NFU1: variants seen among roughly 807,000 people sequenced by gnomAD.
NFU1 encodes the protein NFU1 iron-sulfur cluster scaffold, also known as NFU1 iron-sulfur cluster scaffold homolog, mitochondrial.
NFU1 carries 30 observed loss-of-function variants against 32.2 expected under a neutral mutation model. The observed-to-expected ratio is 0.93, with a 90% confidence interval of 0.70 to 1.26. NFU1 has a LOEUF of 1.26. Among genes scored for constraint, NFU1 ranks in the 50% most tolerant of loss-of-function variants. The pLI, the probability that NFU1 is intolerant of heterozygous loss-of-function variation, is 0.00. For synonymous variants in NFU1, 112 were observed against 104.6 expected, an observed-to-expected ratio of 1.07 and a Z score of -0.43; for missense variants, 306 against 306.6, an observed-to-expected ratio of 1.00 and a Z score of 0.02.
chr2:69,419,478 T>A lies in NFU1; in HGVS notation c.369+60A>T, dbSNP rs1452712019. 3 of 857,806 alleles carry A rather than the reference T, an allele frequency of 3.5e-6. No individual in the cohort carries two copies. In the East Asian group the frequency reaches 7.6e-5, roughly 22 times the overall value. 53.1% of individuals were successfully genotyped at this position (857,806 alleles called of 1,614,324 possible). Reference sequence around the variant, plus strand: ...AATGGAAATGTTGGAGAGAGAGGCATTGGACTCAGAAAAAAATGAAGAGTA... The same window carrying A: ...AATGGAAATGTTGGAGAGAGAGGCAATGGACTCAGAAAAAAATGAAGAGTA... On this transcript the variant is annotated intron_variant, in intron 4 of 7. Transcript: ENST00000410022.
At chr2:69,424,166 G>A (rs59641915) in intron 2 of NFU1, among the ~76,000 whole-genome samples, 5,928 of 70,840 alleles carry the variant, frequency 0.084, 540 homozygotes, top group African/African-American at 0.29. Context: ...GTGAGACTCT[G>A]TCTCAAAAAA....
At chr2:69,413,776 C>T (rs1179568257) in intron 5 of NFU1, among the ~76,000 whole-genome samples, 1 of 144,184 alleles carries the variant, frequency 6.9e-6, no homozygotes, top group South Asian at 2.2e-4. Context: ...AGGCCGGGCA[C>T]GATGGCTCAT....
chr2:69,437,228 G>C, intron 1 of NFU1, 133 bp downstream of exon 1: 1 of 1,473,928 alleles, frequency 6.8e-7, no homozygotes, highest in Non-Finnish European at 9.0e-7. Flanking sequence ...CCCAACTACG[G>C]CGACAGGGCG....
chr2:69,435,775 G>A (rs909429071), intron 1 of NFU1, among the ~76,000 whole-genome samples: 32 of 152,072 alleles, frequency 2.1e-4, no homozygotes, highest in Non-Finnish European at 4.3e-4. Flanking sequence ...AAATAATCTC[G>A]CTTTTCTCAC....
downstream of NFU1, chr2:69,395,997 C>A: frequency 2.3e-6 from 1 of 426,254 alleles, no homozygotes; most frequent in East Asian, 3.8e-5. Context: ...CACACATATG[C>A]AAAGAAAGAG....
At chr2:69,421,012 T>G (rs1050562473) in intron 3 of NFU1, among the ~76,000 whole-genome samples, 1 of 152,148 alleles carries the variant, frequency 6.6e-6, no homozygotes, top group African/African-American at 2.4e-5. Context: ...GAGACCAGCC[T>G]GGGCAACATG....
At chr2:69,437,462 C>G, upstream of NFU1, 1 of 1,601,106 alleles carries the variant, frequency 6.2e-7, no homozygotes, top group Non-Finnish European at 8.5e-7. Flanking sequence ...GACAGAACCA[C>G]GAAAGATCTG....
chr2:69,405,115 C>T (rs1033249029), intron 6 of NFU1, among the ~76,000 whole-genome samples: 2 of 151,954 alleles, frequency 1.3e-5, no homozygotes, highest in Non-Finnish European at 2.9e-5. Context: ...GGTGTGGTGG[C>T]CTGTGCCTGT....
At chr2:69,418,113 T>TA (rs1553400128) in intron 4 of NFU1, among the ~76,000 whole-genome samples, 1 of 151,930 alleles carries the variant, frequency 6.6e-6, no homozygotes, top group Admixed American at 6.6e-5. Flanking sequence ...AACTGAAGAA[T>TA]GGGGGGCTGG....
rs1349891047 is a variant in NFU1, at chr2:69,410,445, C to CG, written c.485-4364dup. ...ACAGTGTAGTGGTTAAGAGCATGAA[C>CG]GCTGGAGGCAGATTGCCCAAAGTTC... On this transcript the variant is annotated intron_variant, in intron 5 of 7. Transcript: ENST00000410022. Among the ~76,000 whole-genome samples, 9 of 152,124 alleles carry CG rather than the reference C, an allele frequency of 5.9e-5. No homozygotes were observed. The East Asian group carries it at 1.7e-3, about 29-fold the overall frequency.
chr2:69,423,504 T>G, intron 3 of NFU1, 78 bp downstream of exon 3: 1 of 1,339,852 alleles, frequency 7.5e-7, no homozygotes, highest in Non-Finnish European at 1.0e-6. Context: ...ATGCAATAGT[T>G]AAACAGAGTT....
chr2:69,437,691 G>C (rs939597584), upstream of NFU1: 1 of 576,690 alleles, frequency 1.7e-6, no homozygotes, highest in East Asian at 3.0e-5. Flanking sequence ...TCCGTACTTT[G>C]TTTTCCCTGT....
Position 69,437,426 on chromosome 2 carries a change from A to G in NFU1, c.-4T>C. The G allele has an allele frequency of 3.7e-6, 6 of 1,610,672 alleles. No individual in the cohort carries two copies. Among genetic ancestry groups the G allele is most frequent in the Non-Finnish European group, 5.1e-6 (6 of 1,179,564 alleles). ...CCCGCCTGGCCGTCGCCGCCATCTT[A>G]GTCCGGAGTGCCTAAGGGTCTCCCT... On this transcript the variant is annotated 5_prime_UTR_variant, in exon 1 of 8. Coordinates refer to ENST00000410022, the MANE Select transcript of NFU1 (RefSeq NM_001002755.4).
intron 5 of NFU1, among the ~76,000 whole-genome samples, chr2:69,414,618 TAAAAA>T (rs57180785): frequency 8.9e-4 from 72 of 81,210 alleles, no homozygotes; most frequent in African/African-American, 3.5e-3. Context: ...AGTCTGTCTC[TAAAAA>T]AAAAAAAAAA....
intron 2 of NFU1, 71 bp from the exon 3 acceptor site, chr2:69,423,788 C>T: frequency 8.9e-7 from 1 of 1,124,254 alleles, no homozygotes; most frequent in Non-Finnish European, 1.3e-6. Context: ...ATGAAGTGCT[C>T]ATTTGCAGAG....
At chr2:69,433,086 G>T (rs1457524344) in intron 1 of NFU1, among the ~76,000 whole-genome samples, 1 of 18,946 alleles carries the variant, frequency 5.3e-5, no homozygotes, top group Non-Finnish European at 9.2e-5. Flanking sequence ...GGAGGCGTAG[G>T]TTGCAGTGAG....
At chr2:69,402,469 C>T (rs2104740220) in intron 6 of NFU1, among the ~76,000 whole-genome samples, 1 of 152,284 alleles carries the variant, frequency 6.6e-6, no homozygotes, top group South Asian at 2.1e-4. Flanking sequence ...GCTGGAATTA[C>T]AGGCACAAGC....
intron 6 of NFU1, 91 bp from the exon 7 acceptor site, chr2:69,400,629 T>A (rs1672493129): frequency 9.2e-7 from 1 of 1,087,306 alleles, no homozygotes. Context: ...AAATTTTATA[T>A]TAGTAAAATT....
rs763330784 is a variant in NFU1, at chr2:69,396,297, C to T, written c.721-7G>A. On this transcript the variant is annotated splice_polypyrimidine_tract_variant and splice_region_variant and intron_variant, in intron 7 of 7. Coordinates refer to ENST00000410022, the MANE Select transcript of NFU1 (RefSeq NM_001002755.4). Reference sequence around the variant, plus strand: ...CTGATTCATCATCCATAACCTAAAACCAAAAAACAAAGACAATTTAAGAAT... The same window carrying T: ...CTGATTCATCATCCATAACCTAAAATCAAAAAACAAAGACAATTTAAGAAT... 6.3e-7 allele frequency: 1 copy of T among 1,586,118 alleles called. No homozygotes were observed. Among genetic ancestry groups the T allele is most frequent in the Admixed American group, 1.8e-5 (1 of 55,342 alleles).
Sources: allele counts gnomAD v4.1 joint callset (sites outside exome capture counted in the v4.1 genomes callset), GRCh38; gene constraint gnomAD v4.1.1; transcripts MANE v1.5; gene names NCBI Gene and HGNC (gene_info 2026-07-23, HGNC 2026-07-21).